HCN1: variants seen among roughly 807,000 people sequenced by gnomAD.
HCN1 encodes the protein hyperpolarization activated cyclic nucleotide gated potassium channel 1.
In HCN1, 13 loss-of-function variants were observed where a neutral mutation model predicts 78.9. That is an observed-to-expected ratio of 0.16 (90% CI 0.11 to 0.26). The LOEUF (loss-of-function observed/expected upper bound fraction) is 0.26. Ranked by LOEUF, HCN1 falls within the 10% of genes least tolerant of loss-of-function variation. The pLI is 1.00. For missense variants in HCN1, 810 were observed against 1,154.3 expected (o/e 0.70, Z 4.32); for synonymous variants, 552 against 455.5 (o/e 1.21, Z -2.70).
At chr5:45,420,585 C>T (rs1309568782) in intron 3 of HCN1, among the ~76,000 whole-genome samples, 2 of 152,184 alleles carry the variant, frequency 1.3e-5, no homozygotes, top group African/African-American at 2.4e-5. Context: ...AGTGGCATGC[C>T]AGCCTTGGGT....
intron 4 of HCN1, among the ~76,000 whole-genome samples, chr5:45,371,301 T>C (rs773253167): frequency 1.1e-4 from 16 of 151,838 alleles, no homozygotes; most frequent in Non-Finnish European, 2.2e-4. Context: ...AAAACTGAAA[T>C]AGTAAAAACT....
intron 5 of HCN1, among the ~76,000 whole-genome samples, chr5:45,314,880 T>G (rs143124115): frequency 6.6e-6 from 1 of 152,136 alleles, no homozygotes; most frequent in East Asian, 1.9e-4. Context: ...TAAATATATA[T>G]GCACCCAATA....
intron 1 of HCN1, among the ~76,000 whole-genome samples, chr5:45,685,205 C>T (rs1250280069): frequency 6.6e-6 from 1 of 152,074 alleles, no homozygotes; most frequent in Non-Finnish European, 1.5e-5. Flanking sequence ...TCTTATTTGC[C>T]TCATATGTAA....
intron 2 of HCN1, among the ~76,000 whole-genome samples, chr5:45,499,042 T>C (rs1742126054): frequency 6.6e-6 from 1 of 152,174 alleles, no homozygotes; most frequent in Non-Finnish European, 1.5e-5. Context: ...TTTTTTTGTC[T>C]GTGCCCTGCC....
At chr5:45,669,194 T>C (rs1327232856) in intron 1 of HCN1, among the ~76,000 whole-genome samples, 2 of 151,698 alleles carry the variant, frequency 1.3e-5, no homozygotes, top group Admixed American at 6.6e-5. Flanking sequence ...TTTAAAGAAA[T>C]TTAATATAAA....
intron 2 of HCN1, among the ~76,000 whole-genome samples, chr5:45,494,613 C>T (rs567155024): frequency 3.9e-5 from 6 of 152,096 alleles, no homozygotes; most frequent in Non-Finnish European, 7.4e-5. Context: ...AATTAGATCC[C>T]ATTTGTCAAT....
chr5:45,647,696 T>G (rs963413754), intron 1 of HCN1, among the ~76,000 whole-genome samples: 6 of 152,208 alleles, frequency 3.9e-5, no homozygotes, highest in African/African-American at 1.4e-4. Context: ...TCAAACAGCA[T>G]GCCTAAGCTC....
intron 4 of HCN1, among the ~76,000 whole-genome samples, chr5:45,362,214 GC>G (rs1747129343): frequency 6.6e-6 from 1 of 150,628 alleles, no homozygotes; most frequent in Non-Finnish European, 1.5e-5. Context: ...AAATGATCTG[GC>G]CCTTAATTGA....
At chr5:45,517,289 C>G (rs1742531898) in intron 2 of HCN1, among the ~76,000 whole-genome samples, 1 of 151,744 alleles carries the variant, frequency 6.6e-6, no homozygotes, top group African/African-American at 2.4e-5. Context: ...TCATACTACT[C>G]CCTTATTTTT....
rs142731016 is a variant in HCN1, at chr5:45,363,409, A to G, written c.1231-10163T>C. ...CACCACATAAGGCAACGTTCAACCA[A>G]TGAGGGACTTGAGTCTCCAGATTAA... On this transcript the variant is annotated intron_variant, in intron 4 of 7. Coordinates refer to ENST00000303230, the MANE Select transcript of HCN1 (RefSeq NM_021072.4). Among the ~76,000 whole-genome samples, 714 of 151,698 alleles carry G rather than the reference A, an allele frequency of 4.7e-3. 2 individuals are homozygous for G. The highest frequency in any genetic ancestry group is 6.6e-3 in the Non-Finnish European group (451 of 67,904).
rs1310978134 is a variant in HCN1, at chr5:45,344,771, C to T, written c.1377+8329G>A. On this transcript the variant is annotated intron_variant, in intron 5 of 7. Transcript: ENST00000303230. ...TGTGGTTTTGCAGGGTACAGCCCAT[C>T]TACCAGCTGCTTTCATGGGTGGGGA... 3.9e-5 allele frequency among the ~76,000 whole-genome samples: 6 copies of T among 152,218 alleles called. 1 individual carries two copies. The East Asian group carries it at 1.2e-3, about 29-fold the overall frequency.
At position 45,259,381 on chromosome 5, in the gene HCN1, T is replaced by A. The variant is rs1744685228; in HGVS notation, c.*2540A>T. The A allele has an allele frequency of 6.6e-6, 1 of 152,394 alleles. No individual in the cohort carries two copies. Among genetic ancestry groups the A allele is most frequent in the African/African-American group, 2.4e-5 (1 of 41,440 alleles). The allele number at this position is 152,394 out of a possible 1,614,324, so 9.4% of individuals were successfully genotyped here. A position where few individuals can be genotyped will look rare whatever the true frequency, so the allele number is the denominator to read the frequency against. On this transcript the variant is annotated 3_prime_UTR_variant, in exon 8 of 8. Coordinates refer to ENST00000303230, the MANE Select transcript of HCN1 (RefSeq NM_021072.4). ...TTGTTGTAAGAATCAGCTATTCTAT[T>A]ATCTTTCCAGCAGCAGAAAGACCAA...
At chr5:45,304,401 G>A (rs776699370) in intron 5 of HCN1, among the ~76,000 whole-genome samples, 8 of 152,012 alleles carry the variant, frequency 5.3e-5, no homozygotes, top group South Asian at 2.1e-4. Context: ...AAATTCATCA[G>A]GTGCAGTGGC....
At position 45,645,278 on chromosome 5, in the gene HCN1, C is replaced by T. The variant is rs1319910233; in HGVS notation, c.756G>A (p.Arg252=). 1.2e-6 allele frequency: 2 copies of T among 1,613,484 alleles called. No individual in the cohort carries two copies. The highest frequency in any genetic ancestry group is 2.2e-5 in the South Asian group (2 of 91,062). The change falls in exon 2 of 8, where the codon AGG becomes AGA. Residue 252 remains arginine (R), a synonymous_variant. Transcript: ENST00000303230. ...TTGTAAACCTCACAATGCGAAGTGC[C>T]CTGGCTGTCTTGTAAACTTCAGAAT... is the stretch of plus-strand genomic sequence containing the variant. ...GMDSEVYKTA[R]ALRIVRFTKI...
chr5:45,310,497 T>C (rs572772708), intron 5 of HCN1, among the ~76,000 whole-genome samples: 1 of 152,252 alleles, frequency 6.6e-6, no homozygotes, highest in East Asian at 1.9e-4. Flanking sequence ...ATGGTTATTA[T>C]TAAAAAGTCA....
At chr5:45,457,358 T>G (rs1179458098) in intron 3 of HCN1, among the ~76,000 whole-genome samples, 1 of 152,128 alleles carries the variant, frequency 6.6e-6, no homozygotes, top group Non-Finnish European at 1.5e-5. Flanking sequence ...AATTTTAGTG[T>G]TGTACACCTA....
chr5:45,317,252 AAAT>A, intron 5 of HCN1, among the ~76,000 whole-genome samples: 1 of 152,158 alleles, frequency 6.6e-6, no homozygotes, highest in Non-Finnish European at 1.5e-5. Flanking sequence ...GAGCCCTCAG[AAAT>A]AATACCACAC....
chr5:45,350,096 C>T (rs186810552), intron 5 of HCN1, among the ~76,000 whole-genome samples: 1 of 152,254 alleles, frequency 6.6e-6, no homozygotes, highest in East Asian at 1.9e-4. Context: ...GACCAATATC[C>T]TTGATGAACA....
chr5:45,411,359 GTT>G (rs551445509), intron 3 of HCN1, among the ~76,000 whole-genome samples: 2 of 143,236 alleles, frequency 1.4e-5, no homozygotes, highest in Admixed American at 7.0e-5. Flanking sequence ...TTTAACTTCT[GTT>G]TTTTTTTTTT....
Sources: gnomAD v4.1 joint callset for allele counts (sites outside exome capture counted in the v4.1 genomes callset) on GRCh38, gnomAD v4.1.1 for gene constraint, MANE v1.5 for transcripts, NCBI Gene and HGNC (gene_info 2026-07-23, HGNC 2026-07-21) for gene names.